FILIP1L: variants seen among roughly 807,000 people sequenced by gnomAD.
The protein encoded by FILIP1L is filamin A-interacting protein 1-like.
In FILIP1L, 55 loss-of-function variants were observed where a neutral mutation model predicts 96.6. That is an observed-to-expected ratio of 0.57 (90% CI 0.46 to 0.71). The LOEUF (loss-of-function observed/expected upper bound fraction) is 0.71. Among genes scored for constraint, FILIP1L ranks in the 30% least tolerant of loss-of-function variants. The pLI is 0.00. For missense variants in FILIP1L, 1,304 were observed against 1,321.2 expected (o/e 0.99, Z 0.20); for synonymous variants, 467 against 473.9 (o/e 0.99, Z 0.19).
intron 1 of FILIP1L, among the ~76,000 whole-genome samples, chr3:100,017,320 G>C (rs1323521386): frequency 1.3e-5 from 2 of 152,170 alleles, no homozygotes; most frequent in Non-Finnish European, 2.9e-5. Flanking sequence ...GTAGATTGGA[G>C]CAGTGAAGTT....
At chr3:99,845,032 T>G (rs1943299687) in intron 5 of FILIP1L, among the ~76,000 whole-genome samples, 1 of 152,180 alleles carries the variant, frequency 6.6e-6, no homozygotes, top group Non-Finnish European at 1.5e-5. Context: ...CTAATAAAAC[T>G]GGTGTCATGA....
chr3:100,066,284 A>G (rs2065661840), intron 1 of FILIP1L, among the ~76,000 whole-genome samples: 1 of 152,138 alleles, frequency 6.6e-6, no homozygotes, highest in Non-Finnish European at 1.5e-5. Context: ...AGAGTCAATC[A>G]CTCATTTATA....
intron 1 of FILIP1L, among the ~76,000 whole-genome samples, chr3:99,995,982 G>T: frequency 6.6e-6 from 1 of 152,228 alleles, no homozygotes. Flanking sequence ...CATTGTCTTG[G>T]TGATTAACAT....
At chr3:99,872,828 T>C (rs1266418989) in intron 4 of FILIP1L, among the ~76,000 whole-genome samples, 2 of 152,100 alleles carry the variant, frequency 1.3e-5, no homozygotes, top group Non-Finnish European at 2.9e-5. Flanking sequence ...CCAGGGACTT[T>C]CCTTGGTAAG....
intron 4 of FILIP1L, among the ~76,000 whole-genome samples, chr3:99,880,326 T>C (rs1413294172): frequency 6.6e-6 from 1 of 152,198 alleles, no homozygotes; most frequent in Non-Finnish European, 1.5e-5. Flanking sequence ...GCACTTAAAC[T>C]GTACTTAAAA....
At chr3:100,009,796 G>C (rs566086850) in intron 1 of FILIP1L, among the ~76,000 whole-genome samples, 1 of 152,344 alleles carries the variant, frequency 6.6e-6, no homozygotes, top group Admixed American at 6.5e-5. Flanking sequence ...TCTTGAGAAA[G>C]AGAGTGCAAT....
intron 4 of FILIP1L, among the ~76,000 whole-genome samples, chr3:99,896,740 G>C (rs1301410184): frequency 6.6e-6 from 1 of 152,190 alleles, no homozygotes. Flanking sequence ...GTTCAGTAGA[G>C]TTTTGAGATT....
intron 5 of FILIP1L, 118 bp from the exon 6 acceptor site, chr3:99,830,723 G>GA: frequency 2.5e-6 from 1 of 393,382 alleles, no homozygotes. Context: ...AGTTTCTGGG[G>GA]ATGTATCAGA....
At chr3:100,102,295 T>G (rs556883923) in intron 1 of FILIP1L, among the ~76,000 whole-genome samples, 124 of 152,298 alleles carry the variant, frequency 8.1e-4, no homozygotes, top group African/African-American at 2.8e-3. Context: ...GTTTCCTGAC[T>G]TTTTAATGAT....
chr3:99,875,303 T>C (rs1236852169), intron 4 of FILIP1L, among the ~76,000 whole-genome samples: 1 of 152,192 alleles, frequency 6.6e-6, no homozygotes, highest in Non-Finnish European at 1.5e-5. Flanking sequence ...CTAATTATGG[T>C]TTAAAATGTT....
chr3:99,889,717 T>C (rs1388718295), intron 4 of FILIP1L, among the ~76,000 whole-genome samples: 1 of 152,048 alleles, frequency 6.6e-6, no homozygotes, highest in African/African-American at 2.4e-5. Context: ...TGTATTCCTA[T>C]TCTATTAGGG....
chr3:99,894,192 G>C (rs979336105), intron 4 of FILIP1L, among the ~76,000 whole-genome samples: 3 of 152,180 alleles, frequency 2.0e-5, no homozygotes, highest in Admixed American at 1.3e-4. Flanking sequence ...AAGGAGATAG[G>C]ATGGTTAAAA....
chr3:99,962,477 G>A (rs1344288601), intron 1 of FILIP1L, among the ~76,000 whole-genome samples: 1 of 152,144 alleles, frequency 6.6e-6, no homozygotes, highest in Non-Finnish European at 1.5e-5. Flanking sequence ...AGTCATTAGG[G>A]TTAGACAGAT....
chr3:100,032,637 G>A (rs752689527), intron 1 of FILIP1L, among the ~76,000 whole-genome samples: 16 of 152,150 alleles, frequency 1.1e-4, no homozygotes, highest in African/African-American at 3.6e-4. Flanking sequence ...CTATATTGAC[G>A]AACTTTAAAA....
chr3:99,878,158 T>G (rs995291978), intron 4 of FILIP1L, among the ~76,000 whole-genome samples: 1 of 152,218 alleles, frequency 6.6e-6, no homozygotes, highest in Non-Finnish European at 1.5e-5. Flanking sequence ...TCCTGAAACA[T>G]CAGTCTCTTG....
chr3:100,066,774 G>A (rs1215455751), intron 1 of FILIP1L, among the ~76,000 whole-genome samples: 2 of 150,444 alleles, frequency 1.3e-5, no homozygotes, highest in African/African-American at 4.9e-5. Context: ...CTCGTGATCC[G>A]CCCGCCTCGG....
chr3:100,058,795 C>T (rs2065509436), intron 1 of FILIP1L, among the ~76,000 whole-genome samples: 1 of 152,186 alleles, frequency 6.6e-6, no homozygotes, highest in African/African-American at 2.4e-5. Flanking sequence ...TGAGTTAAGC[C>T]ATGACTTCTC....
chr3:100,102,467 G>C (rs1299559443), intron 1 of FILIP1L, among the ~76,000 whole-genome samples: 1 of 152,146 alleles, frequency 6.6e-6, no homozygotes, highest in African/African-American at 2.4e-5. Context: ...TCATCAGCGT[G>C]ATTTCTGCTT....
intron 1 of FILIP1L, among the ~76,000 whole-genome samples, chr3:100,111,824 A>AT (rs1423401565): frequency 2.0e-5 from 3 of 152,196 alleles, no homozygotes; most frequent in Non-Finnish European, 4.4e-5. Flanking sequence ...AGGCTCAAGT[A>AT]TTTGCACTAA....
Sources: gnomAD v4.1 joint callset for allele counts (sites outside exome capture counted in the v4.1 genomes callset) on GRCh38, gnomAD v4.1.1 for gene constraint, MANE v1.5 for transcripts, NCBI Gene and HGNC (gene_info 2026-07-23, HGNC 2026-07-21) for gene names.